The following CRYBG1 variants were observed in gnomAD, a reference collection of about 807,000 sequenced individuals.
The protein encoded by CRYBG1 is crystallin beta-gamma domain containing 1.
A neutral mutation model predicts 189.2 loss-of-function variants in CRYBG1; 139 were observed. The ratio of observed to expected loss-of-function variants is 0.73; its 90% CI spans 0.64 to 0.85. The LOEUF is 0.85. Among genes scored for constraint, CRYBG1 ranks in the 40% least tolerant of loss-of-function variants. CRYBG1 has a pLI of 0.00. For synonymous variants in CRYBG1, 1,023 were observed against 1,017.1 expected (o/e 1.01, Z -0.11); for missense variants, 2,611 against 2,675.8 (o/e 0.98, Z 0.53).
chr6:106,529,192 C>A (rs62423286), intron 7 of CRYBG1, among the ~76,000 whole-genome samples: 1 of 151,988 alleles, frequency 6.6e-6, no homozygotes, highest in Admixed American at 6.6e-5. Context: ...GTGATCTGCC[C>A]GCCTAGGCCT....
chr6:106,378,963 A>C (rs1360130089), intron 1 of CRYBG1, among the ~76,000 whole-genome samples: 2 of 152,028 alleles, frequency 1.3e-5, no homozygotes, highest in African/African-American at 4.8e-5. Context: ...TGGCCAAAAA[A>C]CGGTGAAACC....
At chr6:106,506,129 T>C (rs1773127620) in intron 2 of CRYBG1, among the ~76,000 whole-genome samples, 3 of 152,202 alleles carry the variant, frequency 2.0e-5, no homozygotes, top group Admixed American at 1.3e-4. Context: ...TTGACCACAC[T>C]AAGTTTTAGG....
intron 2 of CRYBG1, among the ~76,000 whole-genome samples, chr6:106,503,187 C>T (rs540435385): frequency 6.6e-6 from 1 of 152,314 alleles, no homozygotes; most frequent in East Asian, 1.9e-4. Flanking sequence ...AAATCAGGGC[C>T]TCCCACTGGC....
At chr6:106,387,142 G>A (rs1203615133) in intron 1 of CRYBG1, among the ~76,000 whole-genome samples, 1 of 152,106 alleles carries the variant, frequency 6.6e-6, no homozygotes, top group Non-Finnish European at 1.5e-5. Context: ...TAAGGAATAA[G>A]GCTAAGCCAA....
intron 1 of CRYBG1, among the ~76,000 whole-genome samples, chr6:106,389,025 T>G (rs1440183211): frequency 6.6e-6 from 1 of 152,110 alleles, no homozygotes; most frequent in African/African-American, 2.4e-5. Flanking sequence ...ATTGCCAGAG[T>G]CTAGTTTATG....
At chr6:106,478,145 A>G (rs1772369739) in intron 2 of CRYBG1, among the ~76,000 whole-genome samples, 1 of 152,260 alleles carries the variant, frequency 6.6e-6, no homozygotes, top group Non-Finnish European at 1.5e-5. Context: ...AGATTTCAGG[A>G]TAATCCCTCG....
intron 14 of CRYBG1, 57 bp downstream of exon 14, chr6:106,552,035 G>A: frequency 2.7e-6 from 4 of 1,506,406 alleles, no homozygotes; most frequent in Non-Finnish European, 3.6e-6. Context: ...TTTCCTTAAT[G>A]TGTGTTCCTG....
At chr6:106,408,487 A>C (rs189273193) in intron 1 of CRYBG1, among the ~76,000 whole-genome samples, 2 of 152,346 alleles carry the variant, frequency 1.3e-5, no homozygotes, top group Non-Finnish European at 2.9e-5. Context: ...ATTCCAATCA[A>C]TAGAAAAAGA....
At chr6:106,562,481 T>C (rs998057547) in intron 20 of CRYBG1, among the ~76,000 whole-genome samples, 2 of 59,154 alleles carry the variant, frequency 3.4e-5, no homozygotes, top group African/African-American at 9.8e-5. Flanking sequence ...CATCTCAATA[T>C]AGAATAATAT....
At chr6:106,507,252 T>C (rs1773151631) in intron 2 of CRYBG1, among the ~76,000 whole-genome samples, 1 of 152,208 alleles carries the variant, frequency 6.6e-6, no homozygotes, top group African/African-American at 2.4e-5. Context: ...ATGTGCCACC[T>C]CTACAATAGT....
chr6:106,482,881 G>A (rs556975816), intron 2 of CRYBG1, among the ~76,000 whole-genome samples: 1 of 152,244 alleles, frequency 6.6e-6, no homozygotes, highest in African/African-American at 2.4e-5. Context: ...TCTTGTAATT[G>A]TACATATTTA....
intron 1 of CRYBG1, among the ~76,000 whole-genome samples, chr6:106,427,533 C>T (rs1290393888): frequency 2.0e-5 from 3 of 152,202 alleles, no homozygotes; most frequent in African/African-American, 4.8e-5. Flanking sequence ...TCATTCCCAG[C>T]TGCTATCATC....
In CRYBG1 at chr6:106,379,547, C is replaced by T. The variant is rs1582730750; in HGVS notation, c.173+18466C>T. ...AAGTGCTGGGATTACAGGCGTGAGC[C>T]ACCGTGCCTGGCCTCTTTTCTTTTC... On this transcript the variant is annotated intron_variant, in intron 1 of 21. Coordinates refer to ENST00000633556, the MANE Select transcript of CRYBG1 (RefSeq NM_001371242.2). 3.3e-5 allele frequency among the ~76,000 whole-genome samples: 5 copies of T among 151,810 alleles called. No homozygotes were observed. The South Asian group carries it at 1.0e-3, about 32-fold the overall frequency.
At chr6:106,536,216 G>T (rs539557132) in intron 8 of CRYBG1, among the ~76,000 whole-genome samples, 21 of 137,112 alleles carry the variant, frequency 1.5e-4, no homozygotes, top group African/African-American at 5.5e-4. Context: ...TTAAGGTATG[G>T]TTAGGTTCAG....
intron 1 of CRYBG1, among the ~76,000 whole-genome samples, chr6:106,426,598 C>T (rs2114397085): frequency 6.6e-6 from 1 of 152,208 alleles, no homozygotes; most frequent in African/African-American, 2.4e-5. Context: ...CCACAGCCAA[C>T]ATCAGAATAA....
At chr6:106,386,423 T>C (rs1481136910) in intron 1 of CRYBG1, among the ~76,000 whole-genome samples, 1 of 152,226 alleles carries the variant, frequency 6.6e-6, no homozygotes, top group Non-Finnish European at 1.5e-5. Flanking sequence ...CTAAAATAAG[T>C]GTCAGATTCT....
intron 2 of CRYBG1, among the ~76,000 whole-genome samples, chr6:106,468,033 T>A (rs1035927580): frequency 4.6e-5 from 7 of 152,090 alleles, no homozygotes; most frequent in African/African-American, 1.4e-4. Context: ...GGGTCATCTG[T>A]AAGTGTTGAA....
intron 1 of CRYBG1, among the ~76,000 whole-genome samples, chr6:106,375,295 A>G (rs1770130319): frequency 6.6e-6 from 1 of 152,110 alleles, no homozygotes; most frequent in East Asian, 1.9e-4. Context: ...CTGAGACAGG[A>G]GGATTGCTTG....
chr6:106,429,305 T>C (rs1771283049), intron 1 of CRYBG1, among the ~76,000 whole-genome samples: 1 of 152,178 alleles, frequency 6.6e-6, no homozygotes, highest in African/African-American at 2.4e-5. Context: ...CAGTTCTTCC[T>C]TTTATAAAAC....
Sources: gnomAD v4.1 joint callset for allele counts (sites outside exome capture counted in the v4.1 genomes callset) on GRCh38, gnomAD v4.1.1 for gene constraint, MANE v1.5 for transcripts, NCBI Gene and HGNC (gene_info 2026-07-23, HGNC 2026-07-21) for gene names.